RASGRF2: variants seen among roughly 807,000 people sequenced by gnomAD.
The protein encoded by RASGRF2 is Ras protein specific guanine nucleotide releasing factor 2, also known as ras-specific guanine nucleotide-releasing factor 2.
A neutral mutation model predicts 151.0 loss-of-function variants in RASGRF2; 76 were observed. The ratio of observed to expected loss-of-function variants is 0.50; its 90% CI spans 0.42 to 0.61. The LOEUF (loss-of-function observed/expected upper bound fraction) is 0.61, where lower values mean the gene tolerates loss of function less well. Among genes scored for constraint, RASGRF2 ranks in the 20% least tolerant of loss-of-function variants. The pLI is 0.00. For synonymous variants in RASGRF2, 504 were observed against 566.5 expected, an observed-to-expected ratio of 0.89 and a Z score of 1.57; for missense variants, 1,148 against 1,564.6, an observed-to-expected ratio of 0.73 and a Z score of 4.49.
intron 1 of RASGRF2, among the ~76,000 whole-genome samples, chr5:81,004,340 T>C (rs879526285): frequency 6.6e-6 from 1 of 152,248 alleles, no homozygotes; most frequent in African/African-American, 2.4e-5. Context: ...TGAAATGTAA[T>C]AGGATGTGGC....
chr5:81,079,462 C>G (rs899211918), intron 5 of RASGRF2, among the ~76,000 whole-genome samples: 3 of 152,148 alleles, frequency 2.0e-5, no homozygotes, highest in African/African-American at 7.2e-5. Flanking sequence ...TGTGTTAGTT[C>G]AGAAAAGGCT....
chr5:81,182,569 G>C (rs1324969655), intron 18 of RASGRF2, among the ~76,000 whole-genome samples: 2 of 152,152 alleles, frequency 1.3e-5, no homozygotes, highest in Admixed American at 1.3e-4. Context: ...TGGCTGCCCA[G>C]TAATCATTTG....
intron 12 of RASGRF2, among the ~76,000 whole-genome samples, chr5:81,106,722 A>G (rs1212767645): frequency 6.6e-6 from 1 of 152,138 alleles, no homozygotes; most frequent in African/African-American, 2.4e-5. Flanking sequence ...GCACAAGAGG[A>G]TATCCCACTT....
At chr5:81,154,014 A>C (rs60896636) in intron 17 of RASGRF2, among the ~76,000 whole-genome samples, 2,474 of 152,176 alleles carry the variant, frequency 0.016, 22 homozygotes, top group Middle Eastern at 0.045. Flanking sequence ...AGGAATATAT[A>C]ATAATTATAA....
Position 81,070,587 on chromosome 5 carries a change from G to C in RASGRF2, c.633+6G>C. On this transcript the variant is annotated splice_donor_region_variant and intron_variant, in intron 4 of 26. Transcript: ENST00000265080. ...ACATCAAGAAGATTAAAAAGGTAGG[G>C]CCTGGAGGTTTCCAGCTTTGTAGGA... The C allele has an allele frequency of 1.3e-6, 2 of 1,592,794 alleles. No homozygotes were observed. The highest frequency in any genetic ancestry group is 1.7e-6 in the Non-Finnish European group (2 of 1,160,914).
chr5:81,057,659 C>T (rs1299483433), intron 2 of RASGRF2, among the ~76,000 whole-genome samples: 1 of 152,052 alleles, frequency 6.6e-6, no homozygotes, highest in Non-Finnish European at 1.5e-5. Context: ...GCATATTAAT[C>T]AGCTTAAACA....
At chr5:80,964,663 G>C (rs1430322389) in intron 1 of RASGRF2, among the ~76,000 whole-genome samples, 1 of 152,116 alleles carries the variant, frequency 6.6e-6, no homozygotes, top group Non-Finnish European at 1.5e-5. Context: ...TATAGGATGT[G>C]AATCACTGTT....
chr5:81,095,852 A>G (rs1338543530), intron 12 of RASGRF2, among the ~76,000 whole-genome samples: 1 of 152,144 alleles, frequency 6.6e-6, no homozygotes, highest in Non-Finnish European at 1.5e-5. Flanking sequence ...GTGACTGAAA[A>G]TTGAGGTGAA....
At chr5:80,981,893 A>T (rs982497106) in intron 1 of RASGRF2, among the ~76,000 whole-genome samples, 8 of 152,232 alleles carry the variant, frequency 5.3e-5, no homozygotes, top group African/African-American at 1.9e-4. Context: ...TAAAAAGCAA[A>T]GCATCTAGTT....
chr5:81,103,317 T>A (rs1244022228), intron 12 of RASGRF2, among the ~76,000 whole-genome samples: 1 of 152,058 alleles, frequency 6.6e-6, no homozygotes, highest in African/African-American at 2.4e-5. Context: ...ATATTCTATA[T>A]AGCTATAGAT....
intron 1 of RASGRF2, among the ~76,000 whole-genome samples, chr5:80,971,714 C>T (rs1747940115): frequency 6.6e-6 from 1 of 151,772 alleles, no homozygotes; most frequent in Non-Finnish European, 1.5e-5. Context: ...TATAGGCATG[C>T]ACCACCATGC....
intron 25 of RASGRF2, 101 bp downstream of exon 25, chr5:81,217,574 C>CTTTTTTTT (rs71603577): frequency 3.1e-4 from 57 of 181,622 alleles, no homozygotes; most frequent in African/African-American, 5.1e-4. Context: ...TTTTTCTCTT[C>CTTTTTTTT]TTTTTTTTTT....
chr5:81,035,804 A>G (rs763599994), intron 1 of RASGRF2, among the ~76,000 whole-genome samples: 1 of 152,166 alleles, frequency 6.6e-6, no homozygotes, highest in African/African-American at 2.4e-5. Context: ...AGATTCAAAC[A>G]TACATCCTAT....
chr5:81,170,601 A>G (rs1349525028), intron 17 of RASGRF2, among the ~76,000 whole-genome samples: 1 of 151,920 alleles, frequency 6.6e-6, no homozygotes, highest in Non-Finnish European at 1.5e-5. Flanking sequence ...AAATCTCCAC[A>G]TGACTCTGTC....
intron 1 of RASGRF2, among the ~76,000 whole-genome samples, chr5:81,010,852 A>G (rs948325216): frequency 6.6e-6 from 1 of 152,168 alleles, no homozygotes; most frequent in Non-Finnish European, 1.5e-5. Context: ...GATGTGCTTC[A>G]TGTTCTTTTA....
At chr5:81,024,400 C>T (rs1383047396) in intron 1 of RASGRF2, among the ~76,000 whole-genome samples, 16 of 151,702 alleles carry the variant, frequency 1.1e-4, no homozygotes, top group African/African-American at 3.9e-4. Context: ...GCTGGGATTA[C>T]AGCCACCCAC....
At chr5:81,137,343 C>T (rs1753777827) in intron 17 of RASGRF2, among the ~76,000 whole-genome samples, 1 of 152,198 alleles carries the variant, frequency 6.6e-6, no homozygotes, top group Non-Finnish European at 1.5e-5. Context: ...TGTTGACTTA[C>T]ACTTTTTTTC....
intron 1 of RASGRF2, among the ~76,000 whole-genome samples, chr5:81,003,032 C>A (rs890888861): frequency 3.3e-5 from 5 of 151,936 alleles, no homozygotes; most frequent in Admixed American, 2.6e-4. Flanking sequence ...TATGAAGTCT[C>A]AATATTTTTT....
At chr5:81,029,768 C>A (rs991895158) in intron 1 of RASGRF2, among the ~76,000 whole-genome samples, 2 of 152,202 alleles carry the variant, frequency 1.3e-5, no homozygotes, top group African/African-American at 2.4e-5. Context: ...CAGCTCCTTG[C>A]CAGCAATGGA....
Sources: gnomAD v4.1 joint callset for allele counts (sites outside exome capture counted in the v4.1 genomes callset) on GRCh38, gnomAD v4.1.1 for gene constraint, MANE v1.5 for transcripts, NCBI Gene and HGNC (gene_info 2026-07-23, HGNC 2026-07-21) for gene names.